The following KIAA1671 variants were observed in gnomAD, a reference collection of about 807,000 sequenced individuals.
The protein encoded by KIAA1671 is KIAA1671, also known as uncharacterized protein KIAA1671.
In KIAA1671, 52 loss-of-function variants were observed where a neutral mutation model predicts 131.2. The observed-to-expected ratio is 0.40, with a 90% confidence interval of 0.32 to 0.50. The LOEUF (loss-of-function observed/expected upper bound fraction) is 0.50. Ranked by LOEUF, KIAA1671 falls within the 20% of genes least tolerant of loss-of-function variation. The pLI is 0.73. For missense variants in KIAA1671, 2,360 were observed against 2,364.2 expected (o/e 1.00, Z 0.04); for synonymous variants, 1,003 against 961.6 (o/e 1.04, Z -0.80).
Position 25,041,291 on chromosome 22 carries a change from T to C in KIAA1671, c.4161T>C (p.Ser1387=). 1 of 1,551,646 alleles carries C rather than the reference T, an allele frequency of 6.4e-7. No homozygotes were observed. ...RKSTGRGEED[S]VAQWGDHPRD... ...CCACCGGGCGGGGAGAGGAGGACAG[T>C]GTGGCCCAGTGGGGTGACCACCCAC... is the stretch of plus-strand genomic sequence containing the variant. The change falls in exon 5 of 13, where the codon AGT becomes AGC. Residue 1387 remains serine (S), a synonymous_variant. Coordinates refer to ENST00000358431, the MANE Select transcript of KIAA1671 (RefSeq NM_001145206.2).
rs1009413961 is a variant in KIAA1671 at position 25,166,237 on chromosome 22, C to T, written c.4531-4583C>T. On this transcript the variant is annotated intron_variant, in intron 6 of 12. Coordinates refer to ENST00000358431, the MANE Select transcript of KIAA1671 (RefSeq NM_001145206.2). ...GTGAAGGAGAGAGAGGAGGGAGCAG[C>T]GCTGGCCTCAGGACCCTCAGTCTGG... 2.6e-5 allele frequency among the ~76,000 whole-genome samples: 4 copies of T among 152,136 alleles called. 1 individual carries two copies. Among genetic ancestry groups the T allele is most frequent in the Middle Eastern group, 6.3e-3 (2 of 316 alleles).
intron 6 of KIAA1671, among the ~76,000 whole-genome samples, chr22:25,065,684 G>T (rs893568737): frequency 1.3e-5 from 2 of 151,320 alleles, no homozygotes; most frequent in Non-Finnish European, 2.9e-5. Context: ...TCGTCGCCCA[G>T]GCTGGAGTGC....
intron 6 of KIAA1671, among the ~76,000 whole-genome samples, chr22:25,083,549 A>T (rs2145867395): frequency 6.6e-6 from 1 of 152,360 alleles, no homozygotes; most frequent in South Asian, 2.1e-4. Flanking sequence ...CATTTTACAG[A>T]TAAGGAAAAC....
intron 7 of KIAA1671, among the ~76,000 whole-genome samples, chr22:25,171,519 C>G (rs1933847150): frequency 6.6e-6 from 1 of 152,094 alleles, no homozygotes; most frequent in Non-Finnish European, 1.5e-5. Context: ...TGAGACCAGC[C>G]TGGCCAACAT....
chr22:25,176,472 A>G (rs1259272151), intron 8 of KIAA1671: 1 of 152,246 alleles, frequency 6.6e-6, no homozygotes, highest in Non-Finnish European at 1.5e-5. Flanking sequence ...TCTGTCTGAA[A>G]CAAGGGCTTT....
rs117999965 is a variant in KIAA1671 at position 24,970,628 on chromosome 22, T to A, written c.-208+17856T>A. Among the ~76,000 whole-genome samples, 600 of 151,548 alleles carry A rather than the reference T, an allele frequency of 4.0e-3. 21 individuals carry two copies. In the East Asian group the frequency reaches 0.08, roughly 20 times the overall value. On this transcript the variant is annotated intron_variant, in intron 1 of 12. Coordinates refer to ENST00000358431, the MANE Select transcript of KIAA1671 (RefSeq NM_001145206.2). The stretch of plus-strand genomic sequence containing the variant: ...CCTTCTCATCATCATCATCATCTAG[T>A]ACAGGGGTCCAATCTTTCGGCTTCC...
chr22:25,105,599 A>G (rs914141262), intron 6 of KIAA1671, among the ~76,000 whole-genome samples: 3 of 152,202 alleles, frequency 2.0e-5, no homozygotes, highest in Admixed American at 6.5e-5. Flanking sequence ...GAAGCTTTTT[A>G]TAGTCACACT....
At chr22:25,077,681 G>C (rs1049601487) in intron 6 of KIAA1671, among the ~76,000 whole-genome samples, 1 of 152,164 alleles carries the variant, frequency 6.6e-6, no homozygotes, top group Non-Finnish European at 1.5e-5. Flanking sequence ...TGCAGGGTCC[G>C]TGTTCCATGC....
intron 6 of KIAA1671, among the ~76,000 whole-genome samples, chr22:25,126,607 C>T (rs1207518806): frequency 6.6e-5 from 10 of 152,176 alleles, no homozygotes; most frequent in Non-Finnish European, 1.5e-4. Flanking sequence ...AGTTCCTGAG[C>T]CTTGGTTGTC....
rs147488205 is a variant in KIAA1671, at chr22:25,143,245, C to A, written c.4531-27575C>A. Among the ~76,000 whole-genome samples the A allele has an allele frequency of 1.6e-4, 25 of 152,326 alleles. 1 individual carries two copies. In the East Asian group the frequency reaches 4.1e-3, roughly 25 times the overall value. Reference sequence around the variant, plus strand: ...TGAAACAAGAAAACCAGCAGACACACAAGAACTCCCAAAGGGTTAGGAAGG... The same window carrying A: ...TGAAACAAGAAAACCAGCAGACACAAAAGAACTCCCAAAGGGTTAGGAAGG... On this transcript the variant is annotated intron_variant, in intron 6 of 12. Coordinates refer to ENST00000358431, the MANE Select transcript of KIAA1671 (RefSeq NM_001145206.2).
intron 9 of KIAA1671, among the ~76,000 whole-genome samples, chr22:25,178,864 C>T (rs945536842): frequency 2.0e-5 from 3 of 152,214 alleles, no homozygotes; most frequent in Non-Finnish European, 2.9e-5. Flanking sequence ...GCCCCTCCCT[C>T]ATGGGGAGCC....
intron 1 of KIAA1671, among the ~76,000 whole-genome samples, chr22:25,009,253 CTTTT>C (rs35147267): frequency 1.3e-4 from 8 of 62,794 alleles, no homozygotes; most frequent in African/African-American, 4.4e-4. Context: ...CCCTTCCCCA[CTTTT>C]TTTTTTTTTT....
At chr22:25,126,168 C>T (rs1932177268) in intron 6 of KIAA1671, among the ~76,000 whole-genome samples, 1 of 152,202 alleles carries the variant, frequency 6.6e-6, no homozygotes, top group African/African-American at 2.4e-5. Flanking sequence ...TTCCCAGTCC[C>T]TCATCTCCTG....
chr22:24,984,340 C>G lies in KIAA1671; in HGVS notation c.-208+31568C>G, dbSNP rs556615545. On this transcript the variant is annotated intron_variant, in intron 1 of 12. Coordinates refer to ENST00000358431, the MANE Select transcript of KIAA1671 (RefSeq NM_001145206.2). Reference sequence around the variant, plus strand: ...GTTAAGCAGTTTTCTTAGGGTCACACAGCTAGGGGAAAGAAAGCTCAAGGC... The same window carrying G: ...GTTAAGCAGTTTTCTTAGGGTCACAGAGCTAGGGGAAAGAAAGCTCAAGGC... 1.1e-4 allele frequency among the ~76,000 whole-genome samples: 16 copies of G among 152,282 alleles called. No homozygotes were observed. The East Asian group carries it at 2.7e-3, about 26-fold the overall frequency.
chr22:24,981,062 C>CTGTGTGTGTGTGTGTG (rs35906863), intron 1 of KIAA1671, among the ~76,000 whole-genome samples: 2 of 148,808 alleles, frequency 1.3e-5, no homozygotes, highest in African/African-American at 4.9e-5. Context: ...TTGTTATTTT[C>CTGTGTGTGTGTGTGTG]TGTGTGTGTG....
chr22:25,103,204 C>A (rs111575742), intron 6 of KIAA1671, among the ~76,000 whole-genome samples: 24 of 138,950 alleles, frequency 1.7e-4, no homozygotes, highest in Admixed American at 7.5e-4. Context: ...AAGTCCCCCC[C>A]CAACCGCCTT....
rs1285949044 is a variant in KIAA1671 at position 25,195,412 on chromosome 22, C to T, written c.*3011C>T. On this transcript the variant is annotated 3_prime_UTR_variant, in exon 13 of 13. Transcript: ENST00000358431. ...TCTGGTGAAAGAGAAACCTCGTGGT[C>T]TTTAGGATGTTGGGATTTTGAGTGA... The T allele has an allele frequency of 6.6e-6, 1 of 152,088 alleles. No homozygotes were observed. Among genetic ancestry groups the T allele is most frequent in the African/African-American group, 2.4e-5 (1 of 41,416 alleles). 9.4% of individuals were successfully genotyped at this position (152,088 alleles called of 1,614,324 possible). A position where few individuals can be genotyped will look rare whatever the true frequency, so the allele number is the denominator to read the frequency against.
At chr22:25,035,496 A>G (rs749175895) in intron 4 of KIAA1671, among the ~76,000 whole-genome samples, 158 of 152,336 alleles carry the variant, frequency 1.0e-3, no homozygotes, top group Admixed American at 2.7e-3. Flanking sequence ...CCATCTCAGT[A>G]CATCACCAAC....
chr22:25,171,398 C>A (rs528601295), intron 7 of KIAA1671, among the ~76,000 whole-genome samples: 1 of 150,736 alleles, frequency 6.6e-6, no homozygotes, highest in South Asian at 2.1e-4. Context: ...AGCAAGACTC[C>A]GTCTCAAAAA....
Sources: gnomAD v4.1 joint callset for allele counts (sites outside exome capture counted in the v4.1 genomes callset) on GRCh38, gnomAD v4.1.1 for gene constraint, MANE v1.5 for transcripts, NCBI Gene and HGNC (gene_info 2026-07-23, HGNC 2026-07-21) for gene names.